KCNIP4: variants seen among roughly 807,000 people sequenced by gnomAD.
KCNIP4 encodes the protein Kv channel-interacting protein 4.
In KCNIP4, 12 loss-of-function variants were observed where a neutral mutation model predicts 34.0. The observed-to-expected ratio is 0.35, with a 90% CI of 0.23 to 0.57. KCNIP4 has a LOEUF of 0.57. Ranked by LOEUF, KCNIP4 falls within the 20% of genes least tolerant of loss-of-function variation. KCNIP4 has a pLI of 0.83. For synonymous variants in KCNIP4, 124 were observed against 102.2 expected, an observed-to-expected ratio of 1.21 and a Z score of -1.29; for missense variants, 238 against 311.7, an observed-to-expected ratio of 0.76 and a Z score of 1.78.
At chr4:20,994,363 G>A (rs1385419557) in intron 1 of KCNIP4, among the ~76,000 whole-genome samples, 1 of 152,336 alleles carries the variant, frequency 6.6e-6, no homozygotes, top group East Asian at 1.9e-4. Context: ...AAGTGCATGT[G>A]AGTGTGAGAA....
At chr4:21,259,659 C>T (rs1761320268) in intron 1 of KCNIP4, among the ~76,000 whole-genome samples, 1 of 152,142 alleles carries the variant, frequency 6.6e-6, no homozygotes, top group African/African-American at 2.4e-5. Context: ...TGAAGAAAAG[C>T]ATTACCTTTT....
At chr4:20,831,542 C>T (rs182965766) in intron 3 of KCNIP4, among the ~76,000 whole-genome samples, 2 of 152,250 alleles carry the variant, frequency 1.3e-5, no homozygotes, top group Admixed American at 1.3e-4. Flanking sequence ...ACAGAAAGTG[C>T]TATGATTAGC....
chr4:21,652,489 A>T (rs903546187), intron 1 of KCNIP4, among the ~76,000 whole-genome samples: 2 of 152,178 alleles, frequency 1.3e-5, no homozygotes, highest in African/African-American at 4.8e-5. Flanking sequence ...AGCTAAAGAC[A>T]TTAGGCTGAA....
Position 20,749,701 on chromosome 4 carries a change from A to G in KCNIP4, c.390T>C (p.Asn130=). 1.2e-6 allele frequency: 2 copies of G among 1,609,964 alleles called. No individual in the cohort carries two copies. The highest frequency in any genetic ancestry group is 8.5e-7 in the Non-Finnish European group (1 of 1,177,160). The change falls in exon 5 of 9, where the codon AAT becomes AAC. Residue 130 remains asparagine, a synonymous_variant. Coordinates refer to ENST00000382152, the MANE Select transcript of KCNIP4 (RefSeq NM_025221.6). ...DSTTYAHFLF[N]AFDTDHNGAV... is the part of the protein sequence containing the mutation. ...CTCCATTGTGGTCTGTATCAAATGC[A>G]TTGAACAGAAAATGTGCATATGTTG... is the stretch of plus-strand genomic sequence containing the variant.
At chr4:20,741,495 G>A (rs1751095843) in intron 5 of KCNIP4, among the ~76,000 whole-genome samples, 2 of 152,172 alleles carry the variant, frequency 1.3e-5, no homozygotes, top group East Asian at 3.8e-4. Flanking sequence ...AATGAAGGCA[G>A]AAATAAAGAT....
In KCNIP4 at chr4:21,889,222, T is replaced by A. The variant is rs115209983; in HGVS notation, c.61+59349A>T. Among the ~76,000 whole-genome samples, 407 of 152,248 alleles carry A rather than the reference T, an allele frequency of 2.7e-3. 4 individuals are homozygous for A. Among genetic ancestry groups the A allele is most frequent in the Non-Finnish European group, 3.1e-3 (212 of 67,994 alleles). On this transcript the variant is annotated intron_variant, in intron 1 of 8. Coordinates refer to ENST00000382152, the MANE Select transcript of KCNIP4 (RefSeq NM_025221.6). ...CATGGGTCAATGCATGCAAACTTTG[T>A]TTTATATACAAAAATTATTTAAAAT...
At chr4:21,360,835 C>A (rs1320945764) in intron 1 of KCNIP4, among the ~76,000 whole-genome samples, 1 of 152,040 alleles carries the variant, frequency 6.6e-6, no homozygotes, top group African/African-American at 2.4e-5. Flanking sequence ...CATGTTTAGA[C>A]AACAGGACAA....
intron 1 of KCNIP4, among the ~76,000 whole-genome samples, chr4:21,679,553 A>C (rs1327557059): frequency 6.6e-6 from 1 of 152,160 alleles, no homozygotes; most frequent in African/African-American, 2.4e-5. Flanking sequence ...CAATGCTAAG[A>C]ATGTATCTCT....
At chr4:21,511,157 T>C (rs2109921114) in intron 1 of KCNIP4, among the ~76,000 whole-genome samples, 1 of 152,286 alleles carries the variant, frequency 6.6e-6, no homozygotes, top group African/African-American at 2.4e-5. Flanking sequence ...ACTAACTTGA[T>C]TATTTTAACC....
intron 1 of KCNIP4, among the ~76,000 whole-genome samples, chr4:21,787,749 T>C (rs535631122): frequency 6.6e-6 from 1 of 152,128 alleles, no homozygotes; most frequent in Non-Finnish European, 1.5e-5. Flanking sequence ...AAAAACTAAA[T>C]TTTTTTAAAA....
intron 1 of KCNIP4, among the ~76,000 whole-genome samples, chr4:21,029,302 T>C (rs1021991479): frequency 6.6e-6 from 1 of 152,054 alleles, no homozygotes; most frequent in Admixed American, 6.6e-5. Flanking sequence ...AAACATTAGG[T>C]TTCCTGAGTG....
chr4:20,799,897 A>G (rs1319528965), intron 3 of KCNIP4, among the ~76,000 whole-genome samples: 4 of 152,182 alleles, frequency 2.6e-5, no homozygotes, highest in Non-Finnish European at 5.9e-5. Flanking sequence ...GTCAGAACAT[A>G]GCTATATTAC....
chr4:21,125,429 C>T (rs1464039507), intron 1 of KCNIP4, among the ~76,000 whole-genome samples: 1 of 151,834 alleles, frequency 6.6e-6, no homozygotes, highest in Non-Finnish European at 1.5e-5. Context: ...GTTGGCCAGG[C>T]TGGTCTTGAA....
At chr4:20,806,151 A>G (rs912594510) in intron 3 of KCNIP4, among the ~76,000 whole-genome samples, 1 of 152,026 alleles carries the variant, frequency 6.6e-6, no homozygotes, top group Admixed American at 6.6e-5. Context: ...CTTTTTAAAA[A>G]TGAGTTTCTT....
chr4:21,146,194 C>T (rs1043002349), intron 1 of KCNIP4, among the ~76,000 whole-genome samples: 6 of 152,042 alleles, frequency 3.9e-5, no homozygotes, highest in Non-Finnish European at 7.4e-5. Flanking sequence ...GTCACGAGAT[C>T]GAGACCATCT....
chr4:21,515,760 G>T (rs358563), intron 1 of KCNIP4, among the ~76,000 whole-genome samples: 77 of 152,280 alleles, frequency 5.1e-4, no homozygotes, highest in African/African-American at 1.6e-3. Flanking sequence ...TAGAAAAGGA[G>T]GAGTTTGGTC....
chr4:21,247,233 A>C (rs1760272364), intron 1 of KCNIP4, among the ~76,000 whole-genome samples: 1 of 152,158 alleles, frequency 6.6e-6, no homozygotes, highest in East Asian at 1.9e-4. Context: ...AGTTGCTGAC[A>C]GGTCCAATTT....
intron 3 of KCNIP4, among the ~76,000 whole-genome samples, chr4:20,803,727 G>GAGAGAGGAAGGAAGGA (rs1553898990): frequency 7.7e-5 from 7 of 91,484 alleles, no homozygotes; most frequent in African/African-American, 2.3e-4. Flanking sequence ...GAGAGAGAGA[G>GAGAGAGGAAGGAAGGA]AGGAAGGAAG....
intron 1 of KCNIP4, among the ~76,000 whole-genome samples, chr4:21,696,581 A>G (rs1489321772): frequency 6.6e-6 from 1 of 152,144 alleles, no homozygotes; most frequent in East Asian, 1.9e-4. Flanking sequence ...AAAAATATAT[A>G]TATTATCAGT....
Sources: gnomAD v4.1 joint callset for allele counts (sites outside exome capture counted in the v4.1 genomes callset) on GRCh38, gnomAD v4.1.1 for gene constraint, MANE v1.5 for transcripts, NCBI Gene and HGNC (gene_info 2026-07-23, HGNC 2026-07-21) for gene names.